STYK1: variants seen among roughly 807,000 people sequenced by gnomAD.
STYK1 encodes the protein tyrosine-protein kinase STYK1.
Under a neutral mutation model 48.1 loss-of-function variants are expected in STYK1, and 46 were observed. That is an observed-to-expected ratio of 0.96 (90% CI 0.75 to 1.22). The LOEUF (loss-of-function observed/expected upper bound fraction) is 1.22. STYK1 is among the 50% of genes most tolerant of loss of function. The pLI is 0.00. For missense variants in STYK1, 527 were observed against 521.1 expected, an observed-to-expected ratio of 1.01 and a Z score of -0.11; for synonymous variants, 188 against 189.0, an observed-to-expected ratio of 0.99 and a Z score of 0.04.
chr12:10,658,090 T>G (rs956677184), intron 1 of STYK1, among the ~76,000 whole-genome samples: 1 of 152,170 alleles, frequency 6.6e-6, no homozygotes, highest in Non-Finnish European at 1.5e-5. Flanking sequence ...TGTGAACATA[T>G]CGGCTAAAGT....
intron 1 of STYK1, among the ~76,000 whole-genome samples, chr12:10,666,559 A>G (rs1394477696): frequency 6.6e-6 from 1 of 152,172 alleles, no homozygotes; most frequent in Admixed American, 6.5e-5. Context: ...TTACATGTTG[A>G]TATGATTTGG....
At chr12:10,662,557 G>A (rs1382489287) in intron 1 of STYK1, among the ~76,000 whole-genome samples, 1 of 151,894 alleles carries the variant, frequency 6.6e-6, no homozygotes, top group Non-Finnish European at 1.5e-5. Flanking sequence ...AGCCCAACTA[G>A]TTGGTATGAA....
In STYK1 at chr12:10,671,138, G is replaced by T. The variant is rs986568554; in HGVS notation, c.-195+2828C>A. ...AGCCTCTGATTAGCTGGGACTACAG[G>T]CGCCCGCCACCACGCCCAGCTAATT... On this transcript the variant is annotated intron_variant, in intron 1 of 10. Transcript: ENST00000075503. Among the ~76,000 whole-genome samples, 148 of 151,576 alleles carry T rather than the reference G, an allele frequency of 9.8e-4. 14 individuals are homozygous for T. The highest frequency in any genetic ancestry group is 1.3e-4 in the Non-Finnish European group (9 of 67,966).
At chr12:10,636,195 A>G (rs898816544) in intron 2 of STYK1, among the ~76,000 whole-genome samples, 1 of 152,200 alleles carries the variant, frequency 6.6e-6, no homozygotes, top group African/African-American at 2.4e-5. Flanking sequence ...TGAAAGACCT[A>G]TGTAAAGAAG....
At chr12:10,665,523 C>T (rs1947825264) in intron 1 of STYK1, among the ~76,000 whole-genome samples, 1 of 152,210 alleles carries the variant, frequency 6.6e-6, no homozygotes, top group Non-Finnish European at 1.5e-5. Context: ...TCCCACCCTT[C>T]ATAAGGCTGA....
intron 1 of STYK1, among the ~76,000 whole-genome samples, chr12:10,647,551 T>C (rs1180695941): frequency 6.6e-6 from 1 of 152,178 alleles, no homozygotes; most frequent in Non-Finnish European, 1.5e-5. Context: ...GATGAGATGT[T>C]GAACTGTGGA....
At chr12:10,653,348 G>T (rs1033824116) in intron 1 of STYK1, among the ~76,000 whole-genome samples, 1 of 151,948 alleles carries the variant, frequency 6.6e-6, no homozygotes, top group Non-Finnish European at 1.5e-5. Context: ...CACCATGCCT[G>T]GCCCAATTAA....
intron 7 of STYK1, among the ~76,000 whole-genome samples, chr12:10,625,393 AT>A (rs1231550223): frequency 6.6e-6 from 1 of 151,836 alleles, no homozygotes; most frequent in Non-Finnish European, 1.5e-5. Context: ...AATTTTTTGT[AT>A]TTTTAGTAGA....
At chr12:10,658,004 A>T (rs529425679) in intron 1 of STYK1, among the ~76,000 whole-genome samples, 1 of 152,348 alleles carries the variant, frequency 6.6e-6, no homozygotes, top group South Asian at 2.1e-4. Flanking sequence ...TCCTCACTTA[A>T]AAGTTAGGAT....
chr12:10,632,766 A>C (rs969997528), intron 4 of STYK1, among the ~76,000 whole-genome samples: 2 of 152,204 alleles, frequency 1.3e-5, no homozygotes, highest in Admixed American at 6.5e-5. Context: ...TGGATTAGAT[A>C]CAGACTGTGA....
At chr12:10,634,187 T>C (rs1249966352) in intron 3 of STYK1, 63 bp from the exon 4 acceptor site, 1 of 1,564,240 alleles carries the variant, frequency 6.4e-7, no homozygotes. Context: ...GTTCATGCAA[T>C]TTCCCCTACC....
chr12:10,653,245 T>G (rs1045425159), intron 1 of STYK1, among the ~76,000 whole-genome samples: 21 of 151,342 alleles, frequency 1.4e-4, no homozygotes, highest in African/African-American at 4.8e-4. Context: ...GCTAATTTTT[T>G]TTTGTATTTT....
At chr12:10,633,175 G>A (rs2120653588) in intron 4 of STYK1, among the ~76,000 whole-genome samples, 1 of 152,328 alleles carries the variant, frequency 6.6e-6, no homozygotes, top group East Asian at 1.9e-4. Context: ...GACAGATCAA[G>A]TAAGACGAAG....
At chr12:10,642,420 C>A (rs1947555262) in intron 1 of STYK1, among the ~76,000 whole-genome samples, 1 of 152,150 alleles carries the variant, frequency 6.6e-6, no homozygotes, top group African/African-American at 2.4e-5. Flanking sequence ...TTGTTGAGAG[C>A]TATGCAGCAT....
chr12:10,663,400 C>G (rs1353525755), intron 1 of STYK1, among the ~76,000 whole-genome samples: 1 of 151,834 alleles, frequency 6.6e-6, no homozygotes, highest in Non-Finnish European at 1.5e-5. Flanking sequence ...ATCATGAGGT[C>G]GGGAGATCGA....
rs779802563 is a variant in STYK1, at chr12:10,634,642, T to C, written c.-24A>G. On this transcript the variant is annotated 5_prime_UTR_variant, in exon 3 of 11. Coordinates refer to ENST00000075503, the MANE Select transcript of STYK1 (RefSeq NM_018423.3). The stretch of plus-strand genomic sequence containing the variant: ...ATTGCCACAGGGCTGTCCCCTTCCC[T>C]GCTAGGCCCACAGAGAATGCACACA... 4 of 1,613,944 alleles carry C rather than the reference T, an allele frequency of 2.5e-6. No individual in the cohort carries two copies. Among genetic ancestry groups the C allele is most frequent in the East Asian group, 2.2e-5 (1 of 44,882 alleles).
intron 1 of STYK1, among the ~76,000 whole-genome samples, chr12:10,657,021 T>C (rs1565572173): frequency 6.6e-6 from 1 of 151,872 alleles, no homozygotes; most frequent in South Asian, 2.1e-4. Flanking sequence ...CTTAACTCTT[T>C]GCATGTTTGG....
At chr12:10,647,117 G>C (rs1381012657) in intron 1 of STYK1, among the ~76,000 whole-genome samples, 6 of 152,240 alleles carry the variant, frequency 3.9e-5, no homozygotes, top group South Asian at 4.1e-4. Context: ...GCACCACCTA[G>C]TGGAGCTACG....
chr12:10,673,705 C>A (rs1474269857), intron 1 of STYK1: 1 of 152,028 alleles, frequency 6.6e-6, no homozygotes, highest in Non-Finnish European at 1.5e-5. Context: ...TCTCTCTGCA[C>A]CAAATCTGCT....
Sources: allele counts gnomAD v4.1 joint callset (sites outside exome capture counted in the v4.1 genomes callset), GRCh38; gene constraint gnomAD v4.1.1; transcripts MANE v1.5; gene names NCBI Gene and HGNC (gene_info 2026-07-23, HGNC 2026-07-21).